Variants in GUCA1C observed in about 807,000 individuals in gnomAD.
GUCA1C encodes guanylyl cyclase-activating protein 3.
A neutral mutation model predicts 16.2 loss-of-function variants in GUCA1C; 15 were observed. The observed-to-expected ratio is 0.93, with a 90% confidence interval of 0.62 to 1.43. The LOEUF (loss-of-function observed/expected upper bound fraction) is 1.43, where lower values mean the gene tolerates loss of function less well. Among genes scored for constraint, GUCA1C ranks in the 40% most tolerant of loss-of-function variants. GUCA1C has a pLI of 0.00. For missense variants in GUCA1C, 275 were observed against 244.8 expected (o/e 1.12, Z -0.82); for synonymous variants, 78 against 85.4 (o/e 0.91, Z 0.48).
At chr3:108,926,574 G>A (rs901194106) in intron 1 of GUCA1C, among the ~76,000 whole-genome samples, 2 of 152,128 alleles carry the variant, frequency 1.3e-5, no homozygotes, top group East Asian at 1.9e-4. Flanking sequence ...TCTGCCTCCC[G>A]GGTTCACACC....
At chr3:108,922,509 T>C (rs1457607587) in intron 1 of GUCA1C, among the ~76,000 whole-genome samples, 1 of 152,208 alleles carries the variant, frequency 6.6e-6, no homozygotes, top group Non-Finnish European at 1.5e-5. Flanking sequence ...TTGTTGTTTT[T>C]TTTATTTTTT....
chr3:108,931,216 G>GACTGCATTTTTCAATGTCA (rs3840214), intron 1 of GUCA1C, among the ~76,000 whole-genome samples: 7 of 51,774 alleles, frequency 1.4e-4, no homozygotes, highest in African/African-American at 4.6e-4. Flanking sequence ...CCACTTCAGT[G>GACTGCATTTTTCAATGTCA]ACTGCATTTT....
chr3:108,916,913 G>C (rs1038702781), intron 2 of GUCA1C, among the ~76,000 whole-genome samples: 3 of 152,192 alleles, frequency 2.0e-5, no homozygotes, highest in African/African-American at 7.2e-5. Flanking sequence ...TAACTATCTT[G>C]ATTGAACATG....
chr3:108,951,455 G>A (rs902057696), intron 1 of GUCA1C, among the ~76,000 whole-genome samples: 7 of 151,842 alleles, frequency 4.6e-5, no homozygotes, highest in South Asian at 2.1e-4. Context: ...AAATAAAGTC[G>A]AACTTATAAA....
At chr3:108,945,896 G>A (rs147867757) in intron 1 of GUCA1C, among the ~76,000 whole-genome samples, 6 of 152,238 alleles carry the variant, frequency 3.9e-5, no homozygotes, top group East Asian at 3.9e-4. Flanking sequence ...ATGCTGGAGC[G>A]TATTTCATCT....
intron 1 of GUCA1C, among the ~76,000 whole-genome samples, chr3:108,953,320 C>G (rs1224334513): frequency 6.6e-6 from 1 of 152,170 alleles, no homozygotes; most frequent in Non-Finnish European, 1.5e-5. Flanking sequence ...TTTAAAATAA[C>G]TCCCTACATG....
At chr3:108,951,976 C>T (rs1037787943) in intron 1 of GUCA1C, among the ~76,000 whole-genome samples, 1 of 152,204 alleles carries the variant, frequency 6.6e-6, no homozygotes, top group Non-Finnish European at 1.5e-5. Context: ...ATGTACAATG[C>T]GTTCACAAAT....
intron 1 of GUCA1C, among the ~76,000 whole-genome samples, chr3:108,922,142 T>A (rs1054501220): frequency 7.0e-6 from 1 of 143,874 alleles, no homozygotes; most frequent in South Asian, 2.2e-4. Flanking sequence ...CCATGGTGTA[T>A]ACACACACAC....
intron 1 of GUCA1C, among the ~76,000 whole-genome samples, chr3:108,944,018 G>T (rs1946818099): frequency 1.3e-5 from 2 of 151,820 alleles, no homozygotes; most frequent in African/African-American, 4.8e-5. Flanking sequence ...TTTAAAATAA[G>T]CATATAAAGT....
rs761853844 is a variant in GUCA1C at position 108,908,034 on chromosome 3, C to T, written c.618G>A (p.Val206=). ...GGTATTCTCACAGCTACTTCATTTT[C>T]ACCTTCCCTAGACCAGCCTTGTCAG... ...KSPDKAGLGK[V]KMK The change falls in exon 4 of 4, where the codon GTG becomes GTA. Residue 206 remains valine, a synonymous_variant. Transcript: ENST00000261047. 1.9e-6 allele frequency: 3 copies of T among 1,611,198 alleles called. No individual in the cohort carries two copies. Among genetic ancestry groups the T allele is most frequent in the East Asian group, 2.2e-5 (1 of 44,850 alleles).
At chr3:108,948,008 T>G (rs756314235) in intron 1 of GUCA1C, among the ~76,000 whole-genome samples, 1 of 152,296 alleles carries the variant, frequency 6.6e-6, no homozygotes, top group South Asian at 2.1e-4. Context: ...CAAACGGGAT[T>G]AGCAGCTCAC....
intron 1 of GUCA1C, among the ~76,000 whole-genome samples, chr3:108,927,379 G>A (rs1177879290): frequency 1.3e-5 from 2 of 149,880 alleles, no homozygotes; most frequent in East Asian, 1.9e-4. Context: ...CTTAGGTTTC[G>A]ACATTTAACA....
chr3:108,916,925 A>G (rs1433058392), intron 2 of GUCA1C, among the ~76,000 whole-genome samples: 1 of 152,230 alleles, frequency 6.6e-6, no homozygotes, highest in Non-Finnish European at 1.5e-5. Context: ...TTGAACATGA[A>G]GGAATCTTTA....
intron 1 of GUCA1C, among the ~76,000 whole-genome samples, chr3:108,933,424 G>T (rs547767749): frequency 2.0e-4 from 31 of 152,270 alleles, no homozygotes; most frequent in Admixed American, 5.2e-4. Flanking sequence ...AGGGGAGGAG[G>T]TGTCAGGATA....
At chr3:108,914,767 G>T (rs1264487960) in intron 3 of GUCA1C, among the ~76,000 whole-genome samples, 1 of 152,170 alleles carries the variant, frequency 6.6e-6, no homozygotes, top group African/African-American at 2.4e-5. Flanking sequence ...CCAGTTCGAT[G>T]ACCACGATTT....
At chr3:108,929,725 T>C (rs1026695099) in intron 1 of GUCA1C, among the ~76,000 whole-genome samples, 20 of 152,156 alleles carry the variant, frequency 1.3e-4, no homozygotes, top group African/African-American at 4.8e-4. Flanking sequence ...AATGCCTTTC[T>C]TCTTCTGAAT....
At chr3:108,950,086 C>A (rs1946883607) in intron 1 of GUCA1C, among the ~76,000 whole-genome samples, 1 of 152,338 alleles carries the variant, frequency 6.6e-6, no homozygotes, top group East Asian at 1.9e-4. Flanking sequence ...ATTCTACTCT[C>A]TGCTTCTATG....
intron 1 of GUCA1C, among the ~76,000 whole-genome samples, chr3:108,928,695 T>C (rs898787439): frequency 2.6e-5 from 4 of 152,248 alleles, no homozygotes; most frequent in African/African-American, 9.6e-5. Context: ...TTGAAAAGAC[T>C]GTCTTTTCTC....
intron 1 of GUCA1C, among the ~76,000 whole-genome samples, chr3:108,924,392 T>A (rs1389929728): frequency 6.6e-6 from 1 of 152,188 alleles, no homozygotes; most frequent in Non-Finnish European, 1.5e-5. Context: ...CTGTGTCTAT[T>A]GACATGATCA....
Sources: allele counts gnomAD v4.1 joint callset (sites outside exome capture counted in the v4.1 genomes callset), GRCh38; gene constraint gnomAD v4.1.1; transcripts MANE v1.5; gene names NCBI Gene and HGNC (gene_info 2026-07-23, HGNC 2026-07-21).